Variants in AGMO observed in about 807,000 individuals in gnomAD.
AGMO encodes glyceryl-ether monooxygenase.
Under a neutral mutation model 60.2 loss-of-function variants are expected in AGMO, and 75 were observed. The ratio of observed to expected loss-of-function variants is 1.25; its 90% confidence interval spans 1.03 to 1.51. The LOEUF is 1.51. AGMO is among the 40% of genes most tolerant of loss of function. The pLI is 0.00. For missense variants in AGMO, 763 were observed against 525.5 expected, an observed-to-expected ratio of 1.45 and a Z score of -4.42; for synonymous variants, 261 against 177.1, an observed-to-expected ratio of 1.47 and a Z score of -3.76.
intron 3 of AGMO, among the ~76,000 whole-genome samples, chr7:15,449,947 C>A (rs184091608): frequency 6.6e-6 from 1 of 152,016 alleles, no homozygotes; most frequent in Non-Finnish European, 1.5e-5. Context: ...TTTAAGAGCA[C>A]CTGTTTTCAA....
At chr7:15,367,249 A>G (rs1783022992) in intron 10 of AGMO, among the ~76,000 whole-genome samples, 1 of 144,490 alleles carries the variant, frequency 6.9e-6, no homozygotes, top group Non-Finnish European at 1.5e-5. Context: ...ATAAATGATA[A>G]TTTTTTAAAA....
chr7:15,153,176 A>T, the AGMO span, among the ~76,000 whole-genome samples: 1 of 89,318 alleles, frequency 1.1e-5, no homozygotes, highest in African/African-American at 3.9e-5. Flanking sequence ...TTGGTTTTTG[A>T]TAGGATTGTT....
At chr7:15,457,041 T>C (rs1458174147) in intron 3 of AGMO, among the ~76,000 whole-genome samples, 2 of 152,188 alleles carry the variant, frequency 1.3e-5, no homozygotes, top group Non-Finnish European at 2.9e-5. Context: ...TAAACTAGGA[T>C]AATAATATAT....
the AGMO span, among the ~76,000 whole-genome samples, chr7:15,122,033 C>T: frequency 9.2e-5 from 14 of 152,018 alleles, no homozygotes; most frequent in South Asian, 2.1e-4. Flanking sequence ...AAATCAATTG[C>T]GACAAAAGCT....
At chr7:15,138,352 A>T in the AGMO span, among the ~76,000 whole-genome samples, 3 of 152,194 alleles carry the variant, frequency 2.0e-5, no homozygotes, top group Non-Finnish European at 4.4e-5. Context: ...CTCCTGGATG[A>T]TTTAAGTAGA....
intron 10 of AGMO, among the ~76,000 whole-genome samples, chr7:15,378,606 T>C (rs137921584): frequency 2.1e-4 from 32 of 152,008 alleles, no homozygotes; most frequent in African/African-American, 6.5e-4. Context: ...TGGGAGACTT[T>C]ACTACCCCAC....
intron 3 of AGMO, among the ~76,000 whole-genome samples, chr7:15,445,828 A>T (rs983216325): frequency 1.3e-4 from 20 of 152,140 alleles, no homozygotes; most frequent in African/African-American, 4.6e-4. Flanking sequence ...ATCTAAAGGA[A>T]GTCAATCATG....
intron 12 of AGMO, among the ~76,000 whole-genome samples, chr7:15,272,965 C>T (rs535535080): frequency 6.8e-4 from 103 of 152,144 alleles, no homozygotes; most frequent in African/African-American, 2.4e-3. Flanking sequence ...TATCCTTTGC[C>T]CACTTTTTGA....
chr7:15,145,800 T>C, the AGMO span, among the ~76,000 whole-genome samples: 17,722 of 152,160 alleles, frequency 0.12, 1,343 homozygotes, highest in Non-Finnish European at 0.17. Context: ...AATTACGCCA[T>C]ACAAATTGAA....
At position 15,430,299 on chromosome 7, in the gene AGMO, C is replaced by T. The variant is rs181475201; in HGVS notation, c.513+706G>A. Among the ~76,000 whole-genome samples, 18 of 151,860 alleles carry T rather than the reference C, an allele frequency of 1.2e-4. No homozygotes were observed. In the East Asian group the frequency reaches 2.5e-3, roughly 21 times the overall value. The stretch of plus-strand genomic sequence containing the variant: ...TAAGTATGTATGATTACTGATTTTA[C>T]GCATCAGTTACTCTGACTTTCTAGC... On this transcript the variant is annotated intron_variant, in intron 4 of 12. Transcript: ENST00000342526.
chr7:15,487,401 G>T (rs1782951828), intron 3 of AGMO, among the ~76,000 whole-genome samples: 1 of 151,948 alleles, frequency 6.6e-6, no homozygotes. Context: ...AACTTAGAGG[G>T]TAAGTGCATA....
chr7:15,209,500 G>A (rs914212196), intron 12 of AGMO, among the ~76,000 whole-genome samples: 7 of 152,050 alleles, frequency 4.6e-5, no homozygotes, highest in East Asian at 1.9e-4. Flanking sequence ...AGATTCTTTC[G>A]TATTGTTTTT....
chr7:15,342,981 G>C (rs76992193), intron 12 of AGMO, among the ~76,000 whole-genome samples: 5,447 of 151,956 alleles, frequency 0.036, 121 homozygotes, highest in South Asian at 0.059. Flanking sequence ...CTTGATAGTA[G>C]GTACTAGTGT....
At chr7:15,474,562 A>G (rs1362959841) in intron 3 of AGMO, among the ~76,000 whole-genome samples, 1 of 152,200 alleles carries the variant, frequency 6.6e-6, no homozygotes, top group Non-Finnish European at 1.5e-5. Flanking sequence ...TGGATTAAAG[A>G]CTTAAACGTA....
rs147445721 is a variant in AGMO at position 15,265,690 on chromosome 7, T to C, written c.1264-64331A>G. 5.1e-3 allele frequency among the ~76,000 whole-genome samples: 776 copies of C among 152,106 alleles called. 5 individuals are homozygous for C. Among genetic ancestry groups the C allele is most frequent in the African/African-American group, 0.017 (725 of 41,526 alleles). ...TAAAAAATTGGAGCCCTGCATGCCA[T>C]TGATAATAGTGTAAAAGGCAACAGT... On this transcript the variant is annotated intron_variant, in intron 12 of 12. Coordinates refer to ENST00000342526, the MANE Select transcript of AGMO (RefSeq NM_001004320.2).
chr7:15,246,877 A>T (rs12154238), intron 12 of AGMO, among the ~76,000 whole-genome samples: 73,804 of 151,816 alleles, frequency 0.49, 18,183 homozygotes, highest in African/African-American at 0.56. Flanking sequence ...TTCCCATTGA[A>T]CCTCAGGGCA....
At chr7:15,121,960 G>T in the AGMO span, among the ~76,000 whole-genome samples, 5 of 152,130 alleles carry the variant, frequency 3.3e-5, no homozygotes, top group African/African-American at 1.2e-4. Flanking sequence ...AACCCTGGAA[G>T]AAAACCTAGG....
In AGMO at chr7:15,506,885, C is replaced by T. The variant is rs117130846; in HGVS notation, c.409+37887G>A. Among the ~76,000 whole-genome samples, 793 of 151,874 alleles carry T rather than the reference C, an allele frequency of 5.2e-3. 19 individuals carry two copies. In the East Asian group the frequency reaches 0.055, roughly 11 times the overall value. On this transcript the variant is annotated intron_variant, in intron 3 of 12. Transcript: ENST00000342526. ...ATGCTGTGAGACTTAGAGAGCTACC[C>T]CACCATACCCCTTTCTCCCAAAGTT...
At chr7:15,501,135 G>C (rs1034710921) in intron 3 of AGMO, among the ~76,000 whole-genome samples, 1 of 151,880 alleles carries the variant, frequency 6.6e-6, no homozygotes, top group Non-Finnish European at 1.5e-5. Context: ...GTGCCATGTG[G>C]TGATGAGAAG....
Sources: gnomAD v4.1 joint callset for allele counts (sites outside exome capture counted in the v4.1 genomes callset) on GRCh38, gnomAD v4.1.1 for gene constraint, MANE v1.5 for transcripts, NCBI Gene and HGNC (gene_info 2026-07-23, HGNC 2026-07-21) for gene names.